The following TMEM272 variants were observed in gnomAD, a reference collection of about 807,000 sequenced individuals.
The protein encoded by TMEM272 is long intergenic non-protein coding RNA 282.
Under a neutral mutation model 3.7 loss-of-function variants are expected in TMEM272, and 8 were observed. The observed-to-expected ratio is 2.17, with a 90% CI of 1.27 to 3.91. The LOEUF is 3.91. Among genes scored for constraint, TMEM272 ranks in the 30% most tolerant of loss-of-function variants. The probability of loss-of-function intolerance (pLI) is 0.00; values close to 1 mark genes in which losing one functional copy is unlikely to be tolerated. For synonymous variants in TMEM272, 63 were observed against 39.8 expected, an observed-to-expected ratio of 1.58 and a Z score of -2.20; for missense variants, 166 against 91.5, an observed-to-expected ratio of 1.81 and a Z score of -3.32.
chr13:51,822,768 A>G (rs1199003979), intron 3 of TMEM272, among the ~76,000 whole-genome samples: 1 of 152,234 alleles, frequency 6.6e-6, no homozygotes, highest in Non-Finnish European at 1.5e-5. Context: ...GAGTACTACC[A>G]AGCCAGCCTA....
At chr13:51,933,586 G>A in the TMEM272 span, 4 of 152,230 alleles carry the variant, frequency 2.6e-5, no homozygotes, top group African/African-American at 9.6e-5. Context: ...CAGGTAAACA[G>A]ATGCTCCCTT....
intron 2 of TMEM272, 131 bp from the exon 3 acceptor site, chr13:51,826,756 A>C (rs1956129066): frequency 1.4e-5 from 9 of 650,098 alleles, no homozygotes; most frequent in Non-Finnish European, 2.0e-5. Context: ...AGACAGGAGG[A>C]GAAGGTCGCA....
the TMEM272 span, among the ~76,000 whole-genome samples, chr13:51,864,449 T>C: frequency 1.3e-5 from 2 of 152,232 alleles, no homozygotes; most frequent in Non-Finnish European, 2.9e-5. Flanking sequence ...GACAATGGCA[T>C]TTAGTCTTGC....
chr13:51,833,608 G>A (rs1039668214), intron 2 of TMEM272, among the ~76,000 whole-genome samples: 2 of 152,118 alleles, frequency 1.3e-5, no homozygotes, highest in African/African-American at 2.4e-5. Context: ...AGGCACTGAC[G>A]GAAATGTGAG....
the TMEM272 span, among the ~76,000 whole-genome samples, chr13:51,853,294 C>T: frequency 6.6e-6 from 1 of 152,074 alleles, no homozygotes; most frequent in Non-Finnish European, 1.5e-5. Flanking sequence ...CCAGTAGTCC[C>T]AGCTACTTGG....
chr13:51,912,618 C>T, the TMEM272 span, among the ~76,000 whole-genome samples: 3 of 152,176 alleles, frequency 2.0e-5, no homozygotes, highest in East Asian at 3.8e-4. Context: ...CAGGAAGCCT[C>T]GCCAGCCCCT....
the TMEM272 span, among the ~76,000 whole-genome samples, chr13:51,869,618 T>C: frequency 2.4e-4 from 36 of 152,016 alleles, no homozygotes; most frequent in African/African-American, 8.7e-4. Context: ...GCCTCCTGAG[T>C]AGCTGGGATT....
the TMEM272 span, among the ~76,000 whole-genome samples, chr13:51,913,694 A>C: frequency 6.6e-6 from 1 of 152,186 alleles, no homozygotes; most frequent in Admixed American, 6.5e-5. Flanking sequence ...GGAAGTCTCC[A>C]GAGGATTGGG....
chr13:51,840,336 C>T (rs1275877883), intron 1 of TMEM272, among the ~76,000 whole-genome samples: 1 of 152,158 alleles, frequency 6.6e-6, no homozygotes, highest in Non-Finnish European at 1.5e-5. Flanking sequence ...TCCTATTTAA[C>T]CAGGCAAAGA....
At chr13:51,878,632 A>G in the TMEM272 span, among the ~76,000 whole-genome samples, 11 of 152,242 alleles carry the variant, frequency 7.2e-5, no homozygotes, top group Admixed American at 1.3e-4. Flanking sequence ...CACCTCTCCA[A>G]TAGCTTATTT....
At chr13:51,889,700 G>T in the TMEM272 span, among the ~76,000 whole-genome samples, 7 of 152,230 alleles carry the variant, frequency 4.6e-5, no homozygotes, top group African/African-American at 7.2e-5. Context: ...AAAGTGCAAT[G>T]GTGCGATCCC....
the TMEM272 span, among the ~76,000 whole-genome samples, chr13:51,867,639 T>C: frequency 9.2e-5 from 14 of 151,898 alleles, no homozygotes; most frequent in Admixed American, 1.3e-4. Context: ...AATGGAAAAA[T>C]TGGCGCTGGG....
chr13:51,907,763 G>T, the TMEM272 span, among the ~76,000 whole-genome samples: 4 of 152,092 alleles, frequency 2.6e-5, no homozygotes, highest in African/African-American at 9.7e-5. Flanking sequence ...AGTGGTAATC[G>T]ACACTTGATC....
At chr13:51,907,988 A>G in the TMEM272 span, among the ~76,000 whole-genome samples, 1 of 152,218 alleles carries the variant, frequency 6.6e-6, no homozygotes, top group African/African-American at 2.4e-5. Flanking sequence ...ATAATAGTGG[A>G]TTAATCAAAT....
chr13:51,866,070 G>A, the TMEM272 span: 1 of 1,575,234 alleles, frequency 6.3e-7, no homozygotes, highest in Non-Finnish European at 8.6e-7. Context: ...TTCTCCCGAG[G>A]CAGGGCGTAG....
intron 3 of TMEM272, among the ~76,000 whole-genome samples, chr13:51,825,751 A>C (rs995212761): frequency 1.3e-5 from 2 of 150,970 alleles, no homozygotes; most frequent in Admixed American, 1.3e-4. Flanking sequence ...ACACGCAACC[A>C]CACCCAGCTA....
chr13:51,865,467 C>T, the TMEM272 span: 253 of 1,614,044 alleles, frequency 1.6e-4, no homozygotes, highest in South Asian at 9.9e-4. Flanking sequence ...CGGTCCCTGG[C>T]GGCATCCTCT....
chr13:51,928,048 A>AG, the TMEM272 span, among the ~76,000 whole-genome samples: 1 of 152,080 alleles, frequency 6.6e-6, no homozygotes, highest in African/African-American at 2.4e-5. Context: ...CACTGGACCC[A>AG]GGGCACACTG....
the TMEM272 span, among the ~76,000 whole-genome samples, chr13:51,852,753 T>C: frequency 2.0e-5 from 3 of 151,472 alleles, no homozygotes; most frequent in Non-Finnish European, 4.4e-5. Flanking sequence ...GTGGCGGGCT[T>C]CTGTAATCCC....
Sources: gnomAD v4.1 joint callset for allele counts (sites outside exome capture counted in the v4.1 genomes callset) on GRCh38, gnomAD v4.1.1 for gene constraint, MANE v1.5 for transcripts, NCBI Gene and HGNC (gene_info 2026-07-23, HGNC 2026-07-21) for gene names.